RHOQ: variants seen among roughly 807,000 people sequenced by gnomAD.
RHOQ encodes rho-related GTP-binding protein RhoQ.
RHOQ carries 7 observed loss-of-function variants against 25.8 expected under a neutral mutation model. The ratio of observed to expected loss-of-function variants is 0.27; its 90% confidence interval spans 0.15 to 0.51. RHOQ has a LOEUF of 0.51. RHOQ is among the 20% of genes least tolerant of loss of function. The pLI, the probability that RHOQ is intolerant of heterozygous loss-of-function variation, is 0.97. For missense variants in RHOQ, 165 were observed against 260.6 expected (o/e 0.63, Z 2.53); for synonymous variants, 97 against 98.6 (o/e 0.98, Z 0.10).
Position 46,542,582 on chromosome 2 carries a change from G to A in RHOQ, c.-465G>A, listed in dbSNP as rs1033739754. The A allele has an allele frequency of 9.5e-4, 140 of 147,038 alleles. No homozygotes were observed. Among genetic ancestry groups the A allele is most frequent in the African/African-American group, 3.2e-3 (131 of 41,042 alleles). 9.1% of individuals were successfully genotyped at this position (147,038 alleles called of 1,614,324 possible). On this transcript the variant is annotated 5_prime_UTR_variant, in exon 1 of 5. Transcript: ENST00000238738. ...GCGGCGGCAGCAGGCGGGGGCGCGTGGCGCGGGCCGCGCTCGGGGAGGCGC... is the reference window on the plus strand; with the variant it reads ...GCGGCGGCAGCAGGCGGGGGCGCGTAGCGCGGGCCGCGCTCGGGGAGGCGC...
intron 2 of RHOQ, among the ~76,000 whole-genome samples, chr2:46,558,474 A>C (rs1170265935): frequency 6.6e-6 from 1 of 152,132 alleles, no homozygotes; most frequent in Non-Finnish European, 1.5e-5. Flanking sequence ...GCATTGTCCC[A>C]TTGTCTTTCA....
chr2:46,543,222 C>G, intron 1 of RHOQ, 34 bp downstream of exon 1: 1 of 1,609,026 alleles, frequency 6.2e-7, no homozygotes, highest in East Asian at 2.3e-5. Context: ...AGGGGCCGCT[C>G]CCCGGGCCGG....
chr2:46,551,292 C>T (rs928213056), intron 2 of RHOQ, among the ~76,000 whole-genome samples: 2 of 152,192 alleles, frequency 1.3e-5, no homozygotes, highest in Admixed American at 6.5e-5. Context: ...GCAGTCTCAC[C>T]TCAGGCATGC....
chr2:46,544,220 G>C (rs1330449240), intron 2 of RHOQ, among the ~76,000 whole-genome samples: 2 of 152,216 alleles, frequency 1.3e-5, no homozygotes, highest in Non-Finnish European at 2.9e-5. Context: ...AGCCTGATTG[G>C]TGGGAAATGG....
chr2:46,580,916 T>TC lies in RHOQ; in HGVS notation c.463-11dup. 1 of 1,470,654 alleles carries TC rather than the reference T, an allele frequency of 6.8e-7. No individual in the cohort carries two copies. Among genetic ancestry groups the TC allele is most frequent in the Non-Finnish European group, 9.0e-7 (1 of 1,110,980 alleles). 91.1% of individuals were successfully genotyped at this position (1,470,654 alleles called of 1,614,324 possible). ...GATCTTATATATTTGTGATTTTTTTTCTCCCTCCCAGATAGGAGCATGCTG... is the reference window on the plus strand; with the variant it reads ...GATCTTATATATTTGTGATTTTTTTTCCTCCCTCCCAGATAGGAGCATGCTG... On this transcript the variant is annotated splice_polypyrimidine_tract_variant and intron_variant, in intron 4 of 4. Transcript: ENST00000238738.
intron 2 of RHOQ, among the ~76,000 whole-genome samples, chr2:46,567,155 A>G (rs1425747866): frequency 2.6e-5 from 4 of 152,222 alleles, no homozygotes; most frequent in Non-Finnish European, 5.9e-5. Context: ...AATTCATCAT[A>G]AAACTATTTA....
At chr2:46,545,346 T>A (rs1251110625) in intron 2 of RHOQ, among the ~76,000 whole-genome samples, 1 of 152,190 alleles carries the variant, frequency 6.6e-6, no homozygotes, top group South Asian at 2.1e-4. Context: ...AATTTGAACT[T>A]CTCACTACCT....
At chr2:46,573,699 A>G (rs1450002388) in intron 2 of RHOQ, among the ~76,000 whole-genome samples, 2 of 152,212 alleles carry the variant, frequency 1.3e-5, no homozygotes, top group Admixed American at 1.3e-4. Context: ...ATGGCATTCA[A>G]TTAGTTTTTA....
At chr2:46,543,294 C>T (rs1667895915) in intron 1 of RHOQ, 106 bp downstream of exon 1, 2 of 1,324,862 alleles carry the variant, frequency 1.5e-6, no homozygotes, top group Non-Finnish European at 2.1e-6. Flanking sequence ...CTCCTCTCCC[C>T]TCCCCCGCCG....
chr2:46,547,441 AAG>A (rs1415076002), intron 2 of RHOQ, among the ~76,000 whole-genome samples: 2 of 152,208 alleles, frequency 1.3e-5, no homozygotes, highest in Admixed American at 6.5e-5. Flanking sequence ...TTAGCAGACA[AAG>A]AGAGAGAATG....
rs1395126208 is a variant in RHOQ, at chr2:46,582,900, G to A, written c.*1817G>A. ...AACTTTCTCTCTGAATCGGACATTT[G>A]GATGTCTTCTTTCTTCCAAGAAATG... On this transcript the variant is annotated 3_prime_UTR_variant, in exon 5 of 5. Coordinates refer to ENST00000238738, the MANE Select transcript of RHOQ (RefSeq NM_012249.4). The A allele has an allele frequency of 6.6e-6, 1 of 152,308 alleles. No homozygotes were observed. Among genetic ancestry groups the A allele is most frequent in the Non-Finnish European group, 1.5e-5 (1 of 68,002 alleles). The allele number at this position is 152,308 out of a possible 1,614,324, so 9.4% of individuals were successfully genotyped here. A position where few individuals can be genotyped will look rare whatever the true frequency, so the allele number is the denominator to read the frequency against.
chr2:46,578,569 C>CA (rs755333304), intron 4 of RHOQ, among the ~76,000 whole-genome samples: 447 of 24,054 alleles, frequency 0.019, 110 homozygotes, highest in East Asian at 0.025. Context: ...CCATCTCTAC[C>CA]AAAAAAAAAA....
intron 2 of RHOQ, among the ~76,000 whole-genome samples, chr2:46,545,831 G>C (rs1375557489): frequency 1.3e-5 from 2 of 152,212 alleles, no homozygotes; most frequent in African/African-American, 4.8e-5. Flanking sequence ...AGAGAACTTA[G>C]ATCCAGAGTC....
chr2:46,580,865 TTA>T, intron 4 of RHOQ, 61 bp from the exon 5 acceptor site: 1 of 1,201,586 alleles, frequency 8.3e-7, no homozygotes, highest in Non-Finnish European at 1.1e-6. Context: ...AATGATGTGT[TTA>T]TGTCATGCCA....
At chr2:46,560,977 G>C (rs1668557042) in intron 2 of RHOQ, among the ~76,000 whole-genome samples, 2 of 150,222 alleles carry the variant, frequency 1.3e-5, no homozygotes, top group Admixed American at 1.3e-4. Context: ...CAAATGCATA[G>C]AGTGTCCTAC....
intron 2 of RHOQ, among the ~76,000 whole-genome samples, chr2:46,549,774 C>A (rs142818269): frequency 6.6e-6 from 1 of 152,138 alleles, no homozygotes; most frequent in Non-Finnish European, 1.5e-5. Context: ...TCTCAGGGGT[C>A]CCCCGGCTCC....
At chr2:46,547,663 G>T (rs569079901) in intron 2 of RHOQ, among the ~76,000 whole-genome samples, 141 of 152,374 alleles carry the variant, frequency 9.3e-4, no homozygotes, top group African/African-American at 3.2e-3. Flanking sequence ...GGCCTTGCGT[G>T]TGTTTTGGGG....
intron 2 of RHOQ, among the ~76,000 whole-genome samples, chr2:46,544,162 A>G (rs1197306171): frequency 3.3e-5 from 5 of 152,052 alleles, no homozygotes; most frequent in African/African-American, 1.2e-4. Flanking sequence ...TCTCCCCCCC[A>G]CAGCCTCTGT....
In RHOQ at chr2:46,555,398, A is replaced by C. The variant is rs948947963; in HGVS notation, c.201+11586A>C. Among the ~76,000 whole-genome samples, 4 of 152,236 alleles carry C rather than the reference A, an allele frequency of 2.6e-5. No individual in the cohort carries two copies. Among genetic ancestry groups the C allele is most frequent in the Non-Finnish European group, 5.9e-5 (4 of 68,044 alleles). On this transcript the variant is annotated intron_variant, in intron 2 of 4. Transcript: ENST00000238738. The surrounding 1 kb of genome is among the most constrained non-coding windows in gnomAD (Gnocchi z 4.3). ...ACTTTGCACAAGTGTTGGGGGCCCCAGTAGGAACTAGGTGTGTGTTAAATT... is the reference window on the plus strand; with the variant it reads ...ACTTTGCACAAGTGTTGGGGGCCCCCGTAGGAACTAGGTGTGTGTTAAATT...
Sources: gnomAD v4.1 joint callset for allele counts (sites outside exome capture counted in the v4.1 genomes callset) on GRCh38, gnomAD v4.1.1 for gene constraint, Gnocchi (gnomAD v3.1) non-coding constraint, MANE v1.5 for transcripts, NCBI Gene and HGNC (gene_info 2026-07-23, HGNC 2026-07-21) for gene names.